DENND2B: variants seen among roughly 807,000 people sequenced by gnomAD.
DENND2B encodes DENN domain containing 2B.
A neutral mutation model predicts 116.0 loss-of-function variants in DENND2B; 32 were observed. The ratio of observed to expected loss-of-function variants is 0.28; its 90% confidence interval spans 0.21 to 0.37. The LOEUF (loss-of-function observed/expected upper bound fraction) is 0.37, where lower values mean the gene tolerates loss of function less well. Ranked by LOEUF, DENND2B falls within the 10% of genes least tolerant of loss-of-function variation. The pLI, the probability that DENND2B is intolerant of heterozygous loss-of-function variation, is 1.00. For synonymous variants in DENND2B, 588 were observed against 583.9 expected (o/e 1.01, Z -0.10); for missense variants, 1,276 against 1,477.7 (o/e 0.86, Z 2.24).
intron 1 of DENND2B, chr11:8,774,057 G>C (rs1047101884): frequency 7.8e-5 from 75 of 962,304 alleles, no homozygotes; most frequent in Non-Finnish European, 8.3e-5. Context: ...AAAATGGAGA[G>C]AACAGTTCCA....
chr11:8,742,364 T>C (rs1387273392), intron 2 of DENND2B, among the ~76,000 whole-genome samples: 2 of 152,164 alleles, frequency 1.3e-5, no homozygotes, highest in Non-Finnish European at 2.9e-5. Flanking sequence ...AGTAGATGTC[T>C]GGAATATATT....
chr11:8,715,781 C>T lies in DENND2B; in HGVS notation c.1667G>A (p.Gly556Glu), dbSNP rs1241184022. 2 of 1,612,352 alleles carry T rather than the reference C, an allele frequency of 1.2e-6. No homozygotes were observed. Among genetic ancestry groups the T allele is most frequent in the Middle Eastern group, 1.7e-4 (1 of 6,022 alleles). ...LKPNSQSLRS[G>E]NWSERKSHRL... ...GTGGCTCTTCCTTTCTGACCAGTTCCCACTGCGCAGGGACTGGCTGTTGGG... is the reference window on the plus strand; with the variant it reads ...GTGGCTCTTCCTTTCTGACCAGTTCTCACTGCGCAGGGACTGGCTGTTGGG... The change falls in exon 6 of 20, where the codon GGG becomes GAG. Residue 556 changes from glycine (G) to glutamate (E), a missense_variant. Gly to Glu is a moderately conservative substitution (Grantham distance 98, BLOSUM62 -2). This residue lies in a region of DENND2B where 856 missense variants were observed against 846.6 expected (regional missense o/e 1.01). Coordinates refer to ENST00000313726, the MANE Select transcript of DENND2B (RefSeq NM_213618.2).
rs779291298 is a variant in DENND2B, at chr11:8,697,583, C to T, written c.2994G>A (p.Gln998=). Residue 998 remains glutamine (Q), a synonymous_variant, in exon 17 of 20, where the codon CAG becomes CAA. Coordinates refer to ENST00000313726, the MANE Select transcript of DENND2B (RefSeq NM_213618.2). ...LPRKLQAALE[Q]ALERKNELIS... ...TCAGCTCATTCTTCCTCTCCAGAGC[C>T]TGCTCCAGAGCTGCCTGTAACTTCC... is the stretch of plus-strand genomic sequence containing the variant. 3 of 1,614,130 alleles carry T rather than the reference C, an allele frequency of 1.9e-6. No individual in the cohort carries two copies. Among genetic ancestry groups the T allele is most frequent in the Non-Finnish European group, 2.5e-6 (3 of 1,180,038 alleles).
chr11:8,712,485 T>C lies in DENND2B; in HGVS notation c.2172+66A>G, dbSNP rs941079303. On this transcript the variant is annotated intron_variant, in intron 9 of 19. Transcript: ENST00000313726. This position sits in a 1 kb window ranked among gnomAD's most constrained non-coding sequence, Gnocchi z 4.4. ...AACAAGATCTCTCTCCTTCCCCAGA[T>C]AGGCCTGGCGGATAGAGGATGGAAG... The C allele has an allele frequency of 4.0e-5, 59 of 1,475,956 alleles. No homozygotes were observed. Among genetic ancestry groups the C allele is most frequent in the Middle Eastern group, 1.8e-4 (1 of 5,658 alleles). 91.4% of individuals were successfully genotyped at this position (1,475,956 alleles called of 1,614,324 possible).
intron 18 of DENND2B, chr11:8,696,084 T>A: frequency 3.4e-6 from 1 of 292,182 alleles, no homozygotes; most frequent in Non-Finnish European, 6.4e-6. Context: ...AACCACTGGG[T>A]TCTCAGAACC....
At chr11:8,720,432 C>G (rs1305004868) in intron 4 of DENND2B, among the ~76,000 whole-genome samples, 1 of 152,232 alleles carries the variant, frequency 6.6e-6, no homozygotes, top group Non-Finnish European at 1.5e-5. Flanking sequence ...AAACAGCCAG[C>G]AACATCAGGT....
At chr11:8,714,547 C>A in intron 7 of DENND2B, 63 bp downstream of exon 7, 1 of 1,397,834 alleles carries the variant, frequency 7.2e-7, no homozygotes, top group South Asian at 1.2e-5. Context: ...AAATTGATGC[C>A]TCTCCCGTTC....
Position 8,702,948 on chromosome 11 carries a change from G to A in DENND2B, c.2572-228C>T, listed in dbSNP as rs539226512. The A allele has an allele frequency of 2.3e-5, 13 of 557,682 alleles. No homozygotes were observed. Among genetic ancestry groups the A allele is most frequent in the African/African-American group, 5.7e-5 (3 of 53,068 alleles). 34.5% of individuals were successfully genotyped at this position (557,682 alleles called of 1,614,324 possible). On this transcript the variant is annotated intron_variant, in intron 13 of 19. Transcript: ENST00000313726. The surrounding 1 kb of genome is among the most constrained non-coding windows in gnomAD (Gnocchi z 4.6). ...GGGCAAGAGGGCTGCCTGTGAAAGC[G>A]GGGAAGGCTCCAGAAGGAAGGAGTT...
chr11:8,778,259 G>A (rs1020923097), intron 1 of DENND2B, among the ~76,000 whole-genome samples: 5 of 152,212 alleles, frequency 3.3e-5, no homozygotes, highest in African/African-American at 9.7e-5. Flanking sequence ...AGTCTTTGAA[G>A]CCTGTGGCAT....
rs562964077 is a variant in DENND2B, at chr11:8,866,046, G to C, written c.-250+4908C>G. On this transcript the variant is annotated intron_variant, in intron 2 of 6. Transcript: ENST00000524757. The stretch of plus-strand genomic sequence containing the variant: ...GCGATCTCGGCTCACTGCAACCTCC[G>C]CCTCCCGGGTTCACGCCATTCTCCT... Among the ~76,000 whole-genome samples, 189 of 151,856 alleles carry C rather than the reference G, an allele frequency of 1.2e-3. 1 individual carries two copies. Among genetic ancestry groups the C allele is most frequent in the Middle Eastern group, 3.4e-3 (1 of 294 alleles).
chr11:8,847,863 A>G (rs538214570), intron 3 of DENND2B, among the ~76,000 whole-genome samples: 1 of 152,346 alleles, frequency 6.6e-6, no homozygotes, highest in South Asian at 2.1e-4. Context: ...ACAAGATGAC[A>G]AGCACAAGAA....
At chr11:8,909,701 AG>A (rs1312993532) in intron 1 of DENND2B, 1 of 152,196 alleles carries the variant, frequency 6.6e-6, no homozygotes, top group Non-Finnish European at 1.5e-5. Context: ...AATTTGCAAA[AG>A]TTAAGTAGCA....
chr11:8,757,807 C>G (rs1391572272), intron 1 of DENND2B, among the ~76,000 whole-genome samples: 1 of 152,186 alleles, frequency 6.6e-6, no homozygotes, highest in African/African-American at 2.4e-5. Flanking sequence ...GACCAGGTGG[C>G]CTGCACCAGC....
chr11:8,835,603 C>A (rs1031389697), intron 4 of DENND2B: 1 of 152,138 alleles, frequency 6.6e-6, no homozygotes, highest in Non-Finnish European at 1.5e-5. Flanking sequence ...AGAACACTTA[C>A]CTGAGGGAGA....
chr11:8,759,579 A>T (rs944779939), intron 1 of DENND2B, among the ~76,000 whole-genome samples: 12 of 152,208 alleles, frequency 7.9e-5, no homozygotes, highest in African/African-American at 2.9e-4. Context: ...AGCAGCCTAA[A>T]GGGACAGAGA....
chr11:8,730,312 C>T lies in DENND2B; in HGVS notation c.978G>A (p.Pro326=), dbSNP rs768311740. Reference sequence around the variant, plus strand: ...CAGCGCTCACACTCGCGCCCCCTGCCGGCTCCTCCAAGGAGCCCAAGGTTC... The same window carrying T: ...CAGCGCTCACACTCGCGCCCCCTGCTGGCTCCTCCAAGGAGCCCAAGGTTC... ...KTGTLGSLEE[P]AGGASVSAGS... is the part of the protein sequence containing the mutation. Residue 326 remains proline (P), a synonymous_variant, in exon 3 of 20, where the codon CCG becomes CCA. Transcript: ENST00000313726. This position sits in a 1 kb window ranked among gnomAD's most constrained non-coding sequence, Gnocchi z 4.1. 1 of 1,602,354 alleles carries T rather than the reference C, an allele frequency of 6.2e-7. No homozygotes were observed.
chr11:8,877,100 C>CTTTTTTT (rs71059191), intron 2 of DENND2B, among the ~76,000 whole-genome samples: 3 of 93,074 alleles, frequency 3.2e-5, no homozygotes, highest in Non-Finnish European at 5.7e-5. Flanking sequence ...CTTGAAGATA[C>CTTTTTTT]TTTTTTTTTT....
chr11:8,825,253 AT>A lies in DENND2B; in HGVS notation c.-114-13919del, dbSNP rs2061933600. Reference sequence around the variant, plus strand: ...GAGATGGTATCTCATTGTGGTTTTGATTTGCATTTCTCTAATGATCAGTGAT... The same window carrying A: ...GAGATGGTATCTCATTGTGGTTTTGATTGCATTTCTCTAATGATCAGTGAT... On this transcript the variant is annotated intron_variant, in intron 4 of 6. Transcript: ENST00000524757. 2.0e-5 allele frequency among the ~76,000 whole-genome samples: 3 copies of A among 151,840 alleles called. No individual in the cohort carries two copies. In the South Asian group the frequency reaches 6.2e-4, roughly 32 times the overall value.
chr11:8,723,085 C>G (rs755767392), intron 4 of DENND2B, among the ~76,000 whole-genome samples: 2 of 152,108 alleles, frequency 1.3e-5, no homozygotes, highest in Admixed American at 1.3e-4. Flanking sequence ...TGCCCCACCC[C>G]CTCCCTACCT....
Sources: gnomAD v4.1 joint callset for allele counts (sites outside exome capture counted in the v4.1 genomes callset) on GRCh38, gnomAD v4.1.1 for gene constraint, gnomAD v4.1.1 regional missense constraint, Gnocchi (gnomAD v3.1) non-coding constraint, MANE v1.5 for transcripts, NCBI Gene and HGNC (gene_info 2026-07-23, HGNC 2026-07-21) for gene names.